SLC35F4: variants seen among roughly 807,000 people sequenced by gnomAD.
SLC35F4 encodes solute carrier family 35 member F4.
In SLC35F4, 24 loss-of-function variants were observed where a neutral mutation model predicts 44.2. That is an observed-to-expected ratio of 0.54 (90% confidence interval 0.39 to 0.76). The LOEUF is 0.76. Ranked by LOEUF, SLC35F4 falls within the 30% of genes least tolerant of loss-of-function variation. SLC35F4 has a pLI of 0.00. For missense variants in SLC35F4, 562 were observed against 586.1 expected, an observed-to-expected ratio of 0.96 and a Z score of 0.42; for synonymous variants, 238 against 223.6, an observed-to-expected ratio of 1.06 and a Z score of -0.57.
intron 1 of SLC35F4, among the ~76,000 whole-genome samples, chr14:57,855,659 TA>T (rs1887015451): frequency 6.6e-6 from 1 of 152,198 alleles, no homozygotes; most frequent in Admixed American, 6.5e-5. Context: ...GAACTAGAAA[TA>T]CCATTTGACC....
intron 1 of SLC35F4, among the ~76,000 whole-genome samples, chr14:57,744,892 G>A (rs2076714240): frequency 6.6e-6 from 1 of 152,102 alleles, no homozygotes; most frequent in Non-Finnish European, 1.5e-5. Flanking sequence ...CCAAAACAGA[G>A]ATATAGACCA....
intron 1 of SLC35F4, among the ~76,000 whole-genome samples, chr14:57,810,893 T>C (rs1036200100): frequency 1.3e-5 from 2 of 152,178 alleles, no homozygotes; most frequent in Non-Finnish European, 2.9e-5. Context: ...CAGATGAATG[T>C]TTTGTCTAGA....
intron 1 of SLC35F4, among the ~76,000 whole-genome samples, chr14:57,621,773 TA>T (rs1279396712): frequency 2.0e-5 from 3 of 150,200 alleles, no homozygotes; most frequent in African/African-American, 7.3e-5. Flanking sequence ...ACTTCATGTC[TA>T]AAACACCAAA....
intron 1 of SLC35F4, among the ~76,000 whole-genome samples, chr14:57,668,153 T>C (rs189051239): frequency 0.23 from 34,773 of 148,702 alleles, 3,513 homozygotes; most frequent in South Asian, 0.29. Flanking sequence ...TGTCTGTTCA[T>C]ATCCTTTGCC....
intron 1 of SLC35F4, among the ~76,000 whole-genome samples, chr14:57,633,166 C>T (rs1280968629): frequency 6.6e-6 from 1 of 152,088 alleles, no homozygotes; most frequent in African/African-American, 2.4e-5. Flanking sequence ...TAAGTCTGGG[C>T]AATTACAAAG....
intron 1 of SLC35F4, among the ~76,000 whole-genome samples, chr14:57,661,007 G>A (rs985555991): frequency 1.3e-5 from 2 of 152,160 alleles, no homozygotes; most frequent in Non-Finnish European, 2.9e-5. Context: ...TGCCTGTTTG[G>A]ATTGTTCCAT....
chr14:57,952,919 A>C (rs1190459805), intron 1 of SLC35F4, among the ~76,000 whole-genome samples: 1 of 152,138 alleles, frequency 6.6e-6, no homozygotes, highest in Non-Finnish European at 1.5e-5. Context: ...CAACATTCAA[A>C]TCCAGGAAAT....
intron 6 of SLC35F4, among the ~76,000 whole-genome samples, chr14:57,567,195 C>T (rs912816223): frequency 6.6e-6 from 1 of 152,194 alleles, no homozygotes; most frequent in African/African-American, 2.4e-5. Context: ...ACCTTTTGGA[C>T]CTCTTTGGTT....
chr14:57,717,364 C>G (rs570017323), intron 1 of SLC35F4, among the ~76,000 whole-genome samples: 144 of 152,130 alleles, frequency 9.5e-4, no homozygotes, highest in Non-Finnish European at 1.4e-3. Context: ...CAGCTGGGCG[C>G]GGTGGCTCAC....
At chr14:57,948,742 T>A (rs1890081408) in intron 1 of SLC35F4, among the ~76,000 whole-genome samples, 1 of 152,136 alleles carries the variant, frequency 6.6e-6, no homozygotes, top group African/African-American at 2.4e-5. Context: ...GACACTATTA[T>A]CATTCGGTTC....
At chr14:57,909,040 A>G (rs1889164286) in intron 1 of SLC35F4, among the ~76,000 whole-genome samples, 1 of 152,192 alleles carries the variant, frequency 6.6e-6, no homozygotes, top group Admixed American at 6.5e-5. Context: ...TTGGATAGGA[A>G]ATCTTTTCCC....
intron 1 of SLC35F4, among the ~76,000 whole-genome samples, chr14:57,749,512 A>G (rs2076834324): frequency 6.6e-6 from 1 of 151,950 alleles, no homozygotes; most frequent in Non-Finnish European, 1.5e-5. Context: ...TGGGTCTGTG[A>G]CGGGTTTAAA....
intron 1 of SLC35F4, among the ~76,000 whole-genome samples, chr14:57,656,609 T>A (rs1485193835): frequency 1.4e-4 from 21 of 151,982 alleles, no homozygotes; most frequent in Admixed American, 1.4e-3. Context: ...TAGGTTCAAA[T>A]CCCAGCTCCA....
chr14:57,914,857 C>A (rs1174204658), intron 1 of SLC35F4, among the ~76,000 whole-genome samples: 3 of 152,054 alleles, frequency 2.0e-5, no homozygotes, highest in Non-Finnish European at 4.4e-5. Flanking sequence ...ACACTGGTGA[C>A]CTTACAGTTC....
intron 1 of SLC35F4, among the ~76,000 whole-genome samples, chr14:57,742,629 C>T (rs1461496942): frequency 2.0e-5 from 3 of 152,162 alleles, no homozygotes; most frequent in South Asian, 4.1e-4. Context: ...TAATGGGAGA[C>T]TTTAACACCC....
At chr14:57,953,838 A>T (rs1290342218) in intron 1 of SLC35F4, among the ~76,000 whole-genome samples, 1 of 152,228 alleles carries the variant, frequency 6.6e-6, no homozygotes, top group Non-Finnish European at 1.5e-5. Context: ...GGAGACTTTA[A>T]CACCCCACTG....
intron 1 of SLC35F4, among the ~76,000 whole-genome samples, chr14:57,774,767 T>C (rs570548829): frequency 1.3e-5 from 2 of 152,286 alleles, no homozygotes; most frequent in Admixed American, 6.5e-5. Context: ...CCCTCCTCCA[T>C]TGCAGCCTCC....
intron 1 of SLC35F4, among the ~76,000 whole-genome samples, chr14:57,902,575 A>AG (rs1555400780): frequency 5.3e-5 from 8 of 149,994 alleles, no homozygotes; most frequent in African/African-American, 9.8e-5. Context: ...AAAAAAAAAA[A>AG]AAGAAGAAGA....
intron 1 of SLC35F4, among the ~76,000 whole-genome samples, chr14:57,642,856 T>C (rs1207585234): frequency 1.3e-5 from 2 of 151,994 alleles, no homozygotes; most frequent in Non-Finnish European, 2.9e-5. Context: ...AAACATTTAA[T>C]TATTTAGGTG....
Sources: gnomAD v4.1 joint callset for allele counts (sites outside exome capture counted in the v4.1 genomes callset) on GRCh38, gnomAD v4.1.1 for gene constraint, MANE v1.5 for transcripts, NCBI Gene and HGNC (gene_info 2026-07-23, HGNC 2026-07-21) for gene names.